DMGDH: variants seen among roughly 807,000 people sequenced by gnomAD.
DMGDH encodes the protein dimethylglycine dehydrogenase, also known as dimethylglycine dehydrogenase, mitochondrial.
Under a neutral mutation model 95.2 loss-of-function variants are expected in DMGDH, and 76 were observed. The observed-to-expected ratio is 0.80, with a 90% CI of 0.66 to 0.97. The LOEUF (loss-of-function observed/expected upper bound fraction) is 0.97. DMGDH is among the 50% of genes least tolerant of loss of function. The pLI, the probability that DMGDH is intolerant of heterozygous loss-of-function variation, is 0.00. For missense variants in DMGDH, 987 were observed against 1,055.0 expected (o/e 0.94, Z 0.89); for synonymous variants, 345 against 377.6 (o/e 0.91, Z 1.00).
In DMGDH at chr5:79,025,304, T is replaced by G. The variant is rs568074448; in HGVS notation, c.2191-974A>C. Among the ~76,000 whole-genome samples the G allele has an allele frequency of 3.3e-5, 5 of 152,282 alleles. 1 individual carries two copies. Among genetic ancestry groups the G allele is most frequent in the African/African-American group, 1.2e-4 (5 of 41,558 alleles). ...ACTCCCAAAGGGCTGCTCCTGCTGC[T>G]TCATTCCTCGGAGAGTGTGGGGACC... On this transcript the variant is annotated intron_variant, in intron 13 of 15. Transcript: ENST00000255189.
intron 14 of DMGDH, chr5:79,020,725 G>A: frequency 1.0e-6 from 1 of 983,956 alleles, no homozygotes; most frequent in Non-Finnish European, 1.2e-6. Flanking sequence ...CTCTACACGG[G>A]GAGAGAGGGG....
chr5:78,998,325 G>T (rs370132508), intron 15 of DMGDH, 28 bp from the exon 16 acceptor site: 1 of 1,595,910 alleles, frequency 6.3e-7, no homozygotes, highest in African/African-American at 1.3e-5. Context: ...ACAGTCCTCA[G>T]CATCTTGGTC....
intron 14 of DMGDH, among the ~76,000 whole-genome samples, chr5:79,009,333 A>T (rs1226778856): frequency 4.1e-5 from 6 of 145,966 alleles, no homozygotes; most frequent in South Asian, 2.3e-4. Context: ...AGAAACACTT[A>T]CTTTCTTTCT....
At chr5:79,066,528 T>A (rs1414988973) in intron 1 of DMGDH, among the ~76,000 whole-genome samples, 5 of 150,900 alleles carry the variant, frequency 3.3e-5, no homozygotes, top group African/African-American at 9.8e-5. Context: ...TCTCCTGACC[T>A]CGTGATCCGC....
chr5:79,033,762 C>T (rs1330256626), intron 7 of DMGDH, among the ~76,000 whole-genome samples: 2 of 152,014 alleles, frequency 1.3e-5, no homozygotes, highest in South Asian at 2.1e-4. Flanking sequence ...GAGAACTCAT[C>T]GCTACAAAAA....
At chr5:79,022,546 C>G (rs1753895711) in intron 14 of DMGDH, among the ~76,000 whole-genome samples, 1 of 152,072 alleles carries the variant, frequency 6.6e-6, no homozygotes, top group African/African-American at 2.4e-5. Context: ...GACCTTTACC[C>G]TATAAAATCA....
intron 1 of DMGDH, among the ~76,000 whole-genome samples, chr5:79,067,512 C>T (rs976789593): frequency 6.6e-6 from 1 of 152,184 alleles, no homozygotes; most frequent in Non-Finnish European, 1.5e-5. Flanking sequence ...AGTCCCCAAT[C>T]CAACTGAACA....
intron 7 of DMGDH, among the ~76,000 whole-genome samples, chr5:79,035,626 G>C (rs758840048): frequency 4.6e-5 from 7 of 152,098 alleles, no homozygotes; most frequent in Non-Finnish European, 7.4e-5. Context: ...GGCAGAGCCA[G>C]GGGTGCTTTG....
rs560411998 is a variant in DMGDH, at chr5:79,044,683, T to C, written c.746-131A>G. On this transcript the variant is annotated intron_variant, in intron 5 of 15. Transcript: ENST00000255189. Reference sequence around the variant, plus strand: ...TCATGGCAAAGTCTAATAAATGTCATAACAATCTAAACTTTTGTCATTGCA... The same window carrying C: ...TCATGGCAAAGTCTAATAAATGTCACAACAATCTAAACTTTTGTCATTGCA... The C allele has an allele frequency of 9.0e-5, 95 of 1,060,194 alleles. No homozygotes were observed. The African/African-American group carries it at 1.3e-3, about 15-fold the overall frequency. The allele number at this position is 1,060,194 out of a possible 1,614,324, so 65.7% of individuals were successfully genotyped here. A position where few individuals can be genotyped will look rare whatever the true frequency, so the allele number is the denominator to read the frequency against.
rs1753385962 is a variant in DMGDH, at chr5:78,997,798, T to C, written c.*284A>G. ...ATTAGGTTATAGTAATGATTGTGTA[T>C]ATTAGCAAACACCTAAATGTTTTAC... On this transcript the variant is annotated 3_prime_UTR_variant, in exon 16 of 16. Transcript: ENST00000255189. 2.4e-6 allele frequency: 1 copy of C among 422,934 alleles called. No individual in the cohort carries two copies. Among genetic ancestry groups the C allele is most frequent in the Admixed American group, 4.0e-5 (1 of 25,262 alleles). The allele number at this position is 422,934 out of a possible 1,614,324, so 26.2% of individuals were successfully genotyped here.
Position 79,051,473 on chromosome 5 carries a change from T to A in DMGDH, c.559A>T (p.Asn187Tyr), listed in dbSNP as rs1414214590. 1 of 1,614,004 alleles carries A rather than the reference T, an allele frequency of 6.2e-7. No homozygotes were observed. The highest frequency in any genetic ancestry group is 8.5e-7 in the Non-Finnish European group (1 of 1,180,008). Residue 187 changes from asparagine to tyrosine, a missense_variant, in exon 5 of 16, where the codon AAT becomes TAT. By Grantham distance (143) the Asn-to-Tyr change is moderately radical. Transcript: ENST00000255189. ...NMNKVLAGLYNPGDGHIDPYS... is the reference protein window; with the variant it reads ...NMNKVLAGLYYPGDGHIDPYS... The stretch of plus-strand genomic sequence containing the variant: ...GGATCAATGTGACCATCTCCAGGAT[T>A]ATACAATCCAGCTAAAACCTAAATC...
intron 5 of DMGDH, among the ~76,000 whole-genome samples, chr5:79,049,340 C>G (rs17823774): frequency 0.082 from 12,519 of 152,192 alleles, 575 homozygotes; most frequent in Middle Eastern, 0.12. Flanking sequence ...GAAAACAATG[C>G]ATAAATGTGT....
At position 79,028,385 on chromosome 5, in the gene DMGDH, G is replaced by T. The variant is rs374439127; in HGVS notation, c.2032+48C>A. On this transcript the variant is annotated intron_variant, in intron 12 of 15. Coordinates refer to ENST00000255189, the MANE Select transcript of DMGDH (RefSeq NM_013391.3). ...AATTTTAAATTTTAAATTTTAAATT[G>T]ACCTTTTAAATTTCAGAGACTTAGT... is the stretch of plus-strand genomic sequence containing the variant. 1.7e-3 allele frequency: 2,452 copies of T among 1,479,374 alleles called. 4 individuals are homozygous for T. The highest frequency in any genetic ancestry group is 2.1e-3 in the Non-Finnish European group (2,234 of 1,061,426). 91.6% of individuals were successfully genotyped at this position (1,479,374 alleles called of 1,614,324 possible).
At chr5:79,037,464 T>C (rs1462906882) in intron 7 of DMGDH, among the ~76,000 whole-genome samples, 1 of 152,122 alleles carries the variant, frequency 6.6e-6, no homozygotes, top group Non-Finnish European at 1.5e-5. Flanking sequence ...ATAAGAAATA[T>C]CTTAGAAACC....
intron 7 of DMGDH, among the ~76,000 whole-genome samples, chr5:79,040,606 T>G (rs1050225638): frequency 1.3e-5 from 2 of 152,178 alleles, no homozygotes; most frequent in Non-Finnish European, 2.9e-5. Context: ...AAAATACATA[T>G]TCTGGACTTC....
At chr5:79,011,080 G>A (rs963695582) in intron 14 of DMGDH, among the ~76,000 whole-genome samples, 3 of 152,158 alleles carry the variant, frequency 2.0e-5, no homozygotes, top group Non-Finnish European at 4.4e-5. Context: ...GCAGTACCCT[G>A]TGCACCTGTG....
chr5:79,050,643 G>A (rs1373642593), intron 5 of DMGDH, among the ~76,000 whole-genome samples: 1 of 152,202 alleles, frequency 6.6e-6, no homozygotes, highest in African/African-American at 2.4e-5. Context: ...CCCAGTCCTG[G>A]CTCTGACATA....
At chr5:79,068,992 G>A (rs1755463038) in intron 1 of DMGDH, among the ~76,000 whole-genome samples, 1 of 152,148 alleles carries the variant, frequency 6.6e-6, no homozygotes, top group African/African-American at 2.4e-5. Context: ...TGTTGCTACC[G>A]ACTCCCATAT....
chr5:78,997,900 A>C lies in DMGDH; in HGVS notation c.*182T>G, dbSNP rs1753387126. 3.1e-6 allele frequency: 2 copies of C among 640,422 alleles called. No homozygotes were observed. Among genetic ancestry groups the C allele is most frequent in the Non-Finnish European group, 5.4e-6 (2 of 371,092 alleles). The allele number at this position is 640,422 out of a possible 1,614,324, so 39.7% of individuals were successfully genotyped here. A position where few individuals can be genotyped will look rare whatever the true frequency, so the allele number is the denominator to read the frequency against. The stretch of plus-strand genomic sequence containing the variant: ...TTTAAAAGAACAATGTAAATCATTT[A>C]TCTATTATTCTGTCTTGCTTAGAAA... On this transcript the variant is annotated 3_prime_UTR_variant, in exon 16 of 16. Coordinates refer to ENST00000255189, the MANE Select transcript of DMGDH (RefSeq NM_013391.3).
Sources: gnomAD v4.1 joint callset for allele counts (sites outside exome capture counted in the v4.1 genomes callset) on GRCh38, gnomAD v4.1.1 for gene constraint, MANE v1.5 for transcripts, NCBI Gene and HGNC (gene_info 2026-07-23, HGNC 2026-07-21) for gene names.